Variants in PAQR5 observed in about 807,000 individuals in gnomAD.
The protein encoded by PAQR5 is progestin and adipoQ receptor family member 5.
In PAQR5, 20 loss-of-function variants were observed where a neutral mutation model predicts 34.5. The observed-to-expected ratio is 0.58, with a 90% CI of 0.41 to 0.84. The LOEUF is 0.84. Among genes scored for constraint, PAQR5 ranks in the 40% least tolerant of loss-of-function variants. The pLI is 0.00. For missense variants in PAQR5, 378 were observed against 412.7 expected, an observed-to-expected ratio of 0.92 and a Z score of 0.73; for synonymous variants, 131 against 155.6, an observed-to-expected ratio of 0.84 and a Z score of 1.18.
At chr15:69,358,531 T>C (rs2140834455) in intron 2 of PAQR5, among the ~76,000 whole-genome samples, 1 of 152,014 alleles carries the variant, frequency 6.6e-6, no homozygotes, top group South Asian at 2.1e-4. Context: ...AGCTCCCTGC[T>C]GCGGTGCGGC....
chr15:69,401,034 G>C (rs1262170101), intron 8 of PAQR5: 1 of 152,254 alleles, frequency 6.6e-6, no homozygotes, highest in Non-Finnish European at 1.5e-5. Context: ...TGATCTGGTG[G>C]AGAGAAGGTG....
intron 5 of PAQR5, among the ~76,000 whole-genome samples, chr15:69,389,191 C>T (rs1030099523): frequency 1.3e-5 from 2 of 152,200 alleles, no homozygotes; most frequent in African/African-American, 4.8e-5. Context: ...GATGTGCACA[C>T]TCTGAGTAGA....
intron 3 of PAQR5, among the ~76,000 whole-genome samples, chr15:69,368,293 T>A (rs1398089001): frequency 6.6e-6 from 1 of 152,246 alleles, no homozygotes; most frequent in East Asian, 1.9e-4. Flanking sequence ...CCACAGGTGA[T>A]CTGCCTGCCT....
At chr15:69,370,720 C>T (rs904710989) in intron 3 of PAQR5, among the ~76,000 whole-genome samples, 1 of 152,090 alleles carries the variant, frequency 6.6e-6, no homozygotes, top group African/African-American at 2.4e-5. Context: ...AGAGTTTCAC[C>T]GTGTTAGCCA....
intron 2 of PAQR5, among the ~76,000 whole-genome samples, chr15:69,349,643 T>A (rs529986659): frequency 6.6e-5 from 10 of 151,822 alleles, no homozygotes; most frequent in African/African-American, 1.5e-4. Context: ...TATTTTTATT[T>A]TTTTTTTTAT....
intron 2 of PAQR5, among the ~76,000 whole-genome samples, chr15:69,357,967 G>C (rs1457105207): frequency 6.6e-6 from 1 of 152,190 alleles, no homozygotes; most frequent in Admixed American, 6.5e-5. Flanking sequence ...GGAGTTAGCT[G>C]TGACTGTAGG....
At chr15:69,322,127 A>C (rs1300171466) in intron 1 of PAQR5, among the ~76,000 whole-genome samples, 3 of 138,456 alleles carry the variant, frequency 2.2e-5, no homozygotes, top group Non-Finnish European at 4.5e-5. Context: ...GTCACTTGAG[A>C]CCAGCCTGGG....
intron 3 of PAQR5, among the ~76,000 whole-genome samples, chr15:69,373,697 AG>A (rs2055625852): frequency 6.6e-6 from 1 of 152,098 alleles, no homozygotes; most frequent in South Asian, 2.1e-4. Context: ...TCTGCCTCCC[AG>A]GTTCAAGTGA....
intron 3 of PAQR5, among the ~76,000 whole-genome samples, chr15:69,363,400 A>T (rs539619103): frequency 6.6e-6 from 1 of 152,302 alleles, no homozygotes; most frequent in East Asian, 1.9e-4. Flanking sequence ...TGGAATAATT[A>T]TCTAGATGTT....
intron 8 of PAQR5, among the ~76,000 whole-genome samples, chr15:69,400,395 G>T (rs1158726944): frequency 6.6e-6 from 1 of 152,218 alleles, no homozygotes; most frequent in African/African-American, 2.4e-5. Flanking sequence ...GGAATCCCAT[G>T]ATTAAGTGAA....
intron 1 of PAQR5, among the ~76,000 whole-genome samples, chr15:69,329,395 G>A (rs2054326524): frequency 6.7e-6 from 1 of 148,428 alleles, no homozygotes; most frequent in African/African-American, 2.5e-5. Context: ...GAATATAAAT[G>A]TATTGACAAT....
intron 1 of PAQR5, among the ~76,000 whole-genome samples, chr15:69,318,187 A>C (rs1160824642): frequency 6.6e-6 from 1 of 152,240 alleles, no homozygotes; most frequent in Non-Finnish European, 1.5e-5. Flanking sequence ...GCAGGGGCTC[A>C]GAGGAGAAGA....
At chr15:69,372,904 A>C (rs1442133054) in intron 3 of PAQR5, among the ~76,000 whole-genome samples, 1 of 152,154 alleles carries the variant, frequency 6.6e-6, no homozygotes, top group African/African-American at 2.4e-5. Context: ...TGGCTCAAAA[A>C]ACAAACAAAC....
chr15:69,302,365 G>T (rs1382145737), intron 1 of PAQR5, among the ~76,000 whole-genome samples: 1 of 152,062 alleles, frequency 6.6e-6, no homozygotes, highest in Admixed American at 6.5e-5. Context: ...GATCCACCAT[G>T]CCCAGCCAGA....
rs758922674 is a variant in PAQR5 at position 69,379,854 on chromosome 15, C to G, written c.52-29C>G. The G allele has an allele frequency of 3.7e-6, 6 of 1,609,282 alleles. 1 individual carries two copies. The South Asian group carries it at 6.6e-5, about 18-fold the overall frequency. On this transcript the variant is annotated intron_variant, in intron 3 of 8. Transcript: ENST00000395407. ...CCTTCGTGCCACCCTCTGGTCTCAC[C>G]TCAGTGTCCTTTTCCTTTGCCTCTG...
At chr15:69,318,660 G>C (rs527643921) in intron 1 of PAQR5, among the ~76,000 whole-genome samples, 1 of 151,856 alleles carries the variant, frequency 6.6e-6, no homozygotes, top group African/African-American at 2.4e-5. Context: ...CCCCTTATCT[G>C]CAAGGGAGGT....
intron 6 of PAQR5, among the ~76,000 whole-genome samples, chr15:69,390,000 C>T (rs1163614521): frequency 1.3e-5 from 2 of 152,168 alleles, no homozygotes; most frequent in African/African-American, 4.8e-5. Context: ...TGGTTTAATA[C>T]TCTGCTGCCT....
chr15:69,335,550 T>TG (rs2054494920), intron 1 of PAQR5, among the ~76,000 whole-genome samples: 3 of 131,302 alleles, frequency 2.3e-5, no homozygotes, highest in Admixed American at 2.3e-4. Context: ...CAGTTTTTTT[T>TG]TTTTTTTTTT....
At chr15:69,315,493 G>T (rs1009330271) in intron 1 of PAQR5, among the ~76,000 whole-genome samples, 1 of 152,152 alleles carries the variant, frequency 6.6e-6, no homozygotes, top group East Asian at 1.9e-4. Flanking sequence ...TCAAGTCACA[G>T]GGGCTGGCCC....
Sources: allele counts gnomAD v4.1 joint callset (sites outside exome capture counted in the v4.1 genomes callset), GRCh38; gene constraint gnomAD v4.1.1; transcripts MANE v1.5; gene names NCBI Gene and HGNC (gene_info 2026-07-23, HGNC 2026-07-21).